RPL7A: variants seen among roughly 807,000 people sequenced by gnomAD.
RPL7A encodes ribosomal protein L7a.
For synonymous variants in RPL7A, 158 were observed against 128.2 expected (o/e 1.23, Z -1.57); for missense variants, 291 against 338.2 (o/e 0.86, Z 1.09).
At chr9:133,349,522 C>T (rs2129986922) in intron 2 of RPL7A, 29 bp from the exon 3 acceptor site, 9 of 1,614,042 alleles carry the variant, frequency 5.6e-6, no homozygotes, top group South Asian at 5.5e-5. Flanking sequence ...GAATTTGAGC[C>T]TCACTCGGTG....
At position 133,349,745 on chromosome 9, in the gene RPL7A, C is replaced by T. The variant is rs114365767; in HGVS notation, c.274+45C>T. 1,159 of 1,607,562 alleles carry T rather than the reference C, an allele frequency of 7.2e-4. 7 individuals carry two copies. The African/African-American group carries it at 0.014, about 19-fold the overall frequency. On this transcript the variant is annotated intron_variant, in intron 3 of 7. Coordinates refer to ENST00000323345, the MANE Select transcript of RPL7A (RefSeq NM_000972.3). ...AAAGGAGTTTCTCAGGCAAGGATTC[C>T]TTATTTCATCCAGAACATGAGGGGG...
Position 133,349,651 on chromosome 9 carries a change from A to G in RPL7A, c.225A>G (p.Lys75=), listed in dbSNP as rs1441128983. The change falls in exon 3 of 8, where the codon AAA becomes AAG. Residue 75 remains lysine (K), a synonymous_variant. Transcript: ENST00000323345. The stretch of plus-strand genomic sequence containing the variant: ...GAGCCATCCTCTATAAGCGGCTGAA[A>G]GTGCCTCCTGCGATTAACCAGTTCA... ...RQRAILYKRL[K]VPPAINQFTQ... 8.7e-6 allele frequency: 14 copies of G among 1,614,060 alleles called. No homozygotes were observed. Among genetic ancestry groups the G allele is most frequent in the African/African-American group, 8.0e-5 (6 of 75,056 alleles).
In RPL7A at chr9:133,349,124, G is replaced by A; in HGVS notation, c.124+82G>A. 2.6e-6 allele frequency: 4 copies of A among 1,528,052 alleles called. No homozygotes were observed. In the South Asian group the frequency reaches 4.7e-5, roughly 18 times the overall value. The allele number at this position is 1,528,052 out of a possible 1,614,324, so 94.7% of individuals were successfully genotyped here. On this transcript the variant is annotated intron_variant, in intron 2 of 7. Transcript: ENST00000323345. ...AATTGGGTTGTGTTGTATCTTGTAG[G>A]TTTTAGTGGGTGTAAAGTGGTCGCA... is the stretch of plus-strand genomic sequence containing the variant.
rs1278411295 is a variant in RPL7A at position 133,351,146 on chromosome 9, G to C, written c.696+75G>C. On this transcript the variant is annotated intron_variant, in intron 7 of 7. Coordinates refer to ENST00000323345, the MANE Select transcript of RPL7A (RefSeq NM_000972.3). ...CAAATAACTGGCTGGCTTAACCTAT[G>C]AGAAGTTCTATCTGACGATCAGCTT... 1.9e-6 allele frequency: 3 copies of C among 1,560,602 alleles called. No homozygotes were observed. The East Asian group carries it at 6.8e-5, about 35-fold the overall frequency.
Position 133,350,271 on chromosome 9 carries a change from C to T in RPL7A, c.447C>T (p.Asn149=), listed in dbSNP as rs2129992560. ...GVNTVTTLVE[N]KKAQLVVIAH... ...ACACCGTCACCACCTTGGTGGAGAA[C>T]AAGAAAGCTCAGCTGGTGGTGATTG... Residue 149 remains asparagine (N), a synonymous_variant, in exon 5 of 8, where the codon AAC becomes AAT. Coordinates refer to ENST00000323345, the MANE Select transcript of RPL7A (RefSeq NM_000972.3). 1.2e-6 allele frequency: 2 copies of T among 1,614,014 alleles called. No homozygotes were observed. Among genetic ancestry groups the T allele is most frequent in the Admixed American group, 1.7e-5 (1 of 59,994 alleles).
At position 133,349,047 on chromosome 9, in the gene RPL7A, G is replaced by A. The variant is rs115808246; in HGVS notation, c.124+5G>A. The A allele has an allele frequency of 8.1e-6, 13 of 1,613,284 alleles. No homozygotes were observed. The highest frequency in any genetic ancestry group is 1.1e-5 in the Non-Finnish European group (13 of 1,179,666). Reference sequence around the variant, plus strand: ...GGCCTAAGAATTTTGGCATTGGTAAGTAACAAACGGCAGAATGAAAACGGT... The same window carrying A: ...GGCCTAAGAATTTTGGCATTGGTAAATAACAAACGGCAGAATGAAAACGGT... On this transcript the variant is annotated splice_donor_5th_base_variant and intron_variant, in intron 2 of 7. Coordinates refer to ENST00000323345, the MANE Select transcript of RPL7A (RefSeq NM_000972.3).
Position 133,349,602 on chromosome 9 carries a change from G to C in RPL7A, c.176G>C (p.Arg59Pro). The change falls in exon 3 of 8, where the codon CGC (arginine) becomes CCC (proline). Residue 59 changes from arginine (R) to proline (P), a missense_variant. Physicochemically the swap from Arg to Pro is moderately radical, Grantham distance 103. Transcript: ENST00000323345. ...RDLTRFVKWPRYIRLQRQRAI... is the reference protein window; with the variant it reads ...RDLTRFVKWPPYIRLQRQRAI... ...CTCACCCGCTTTGTGAAATGGCCCC[G>C]CTATATCAGGTTGCAGCGGCAGAGA... 1.2e-6 allele frequency: 2 copies of C among 1,614,030 alleles called. No individual in the cohort carries two copies. The highest frequency in any genetic ancestry group is 1.7e-6 in the Non-Finnish European group (2 of 1,179,998).
chr9:133,350,380 G>C, intron 5 of RPL7A, 61 bp downstream of exon 5: 2 of 1,588,538 alleles, frequency 1.3e-6, no homozygotes, highest in South Asian at 2.2e-5. Flanking sequence ...AGAGAGAGTA[G>C]ACCTAATGCC....
At position 133,349,498 on chromosome 9, in the gene RPL7A, A is replaced by T. The variant is rs2129986720; in HGVS notation, c.125-53A>T. The stretch of plus-strand genomic sequence containing the variant: ...AACACCCTTCCTAGTGGCCCCAGAC[A>T]TGAACTTGACATGGAATTTGAGCCT... On this transcript the variant is annotated intron_variant, in intron 2 of 7. Transcript: ENST00000323345. 34 of 1,613,028 alleles carry T rather than the reference A, an allele frequency of 2.1e-5. No individual in the cohort carries two copies. The Admixed American group carries it at 5.7e-4, about 27-fold the overall frequency.
At chr9:133,348,868 C>T (rs111889641) in intron 1 of RPL7A, 54 bp from the exon 2 acceptor site, 35 of 1,612,952 alleles carry the variant, frequency 2.2e-5, no homozygotes, top group African/African-American at 1.1e-4. Context: ...TGAGCCCTAC[C>T]CCCGACGAAG....
At chr9:133,348,525 C>T (rs1383438272) in intron 1 of RPL7A, 43 of 602,090 alleles carry the variant, frequency 7.1e-5, no homozygotes, top group Non-Finnish European at 1.1e-4. Context: ...GTGCGGGGCT[C>T]GGAGCCCTAG....
intron 1 of RPL7A, 54 bp from the exon 2 acceptor site, chr9:133,348,868 C>A: frequency 6.2e-7 from 1 of 1,612,952 alleles, no homozygotes; most frequent in Non-Finnish European, 8.5e-7. Context: ...TGAGCCCTAC[C>A]CCCGACGAAG....
At position 133,348,234 on chromosome 9, in the gene RPL7A, G is replaced by A. The variant is rs2129977059; in HGVS notation, c.-10G>A. 7.4e-6 allele frequency: 12 copies of A among 1,613,772 alleles called. No homozygotes were observed. Among genetic ancestry groups the A allele is most frequent in the African/African-American group, 1.3e-5 (1 of 74,876 alleles). On this transcript the variant is annotated 5_prime_UTR_variant, in exon 1 of 8. Coordinates refer to ENST00000323345, the MANE Select transcript of RPL7A (RefSeq NM_000972.3). ...TTCCCTTTCCTTTCTCTCTCCTCCC[G>A]CCGCCCAAGATGGTGAGTGAGCTGT...
At chr9:133,350,933 G>T (rs2129997011) in intron 6 of RPL7A, 69 bp from the exon 7 acceptor site, 2 of 1,549,842 alleles carry the variant, frequency 1.3e-6, no homozygotes, top group Non-Finnish European at 1.8e-6. Flanking sequence ...TGAGCTAAAA[G>T]GTATTTTTGC....
chr9:133,348,264 C>A lies in RPL7A; in HGVS notation c.3+18C>A. ...CCAAGATGGTGAGTGAGCTGTAGTTCCGTGGCACTATAGCCAGGTTCCGGC... is the reference window on the plus strand; with the variant it reads ...CCAAGATGGTGAGTGAGCTGTAGTTACGTGGCACTATAGCCAGGTTCCGGC... On this transcript the variant is annotated intron_variant, in intron 1 of 7. Transcript: ENST00000323345. The A allele has an allele frequency of 1.2e-6, 2 of 1,614,082 alleles. No individual in the cohort carries two copies. The highest frequency in any genetic ancestry group is 2.2e-5 in the East Asian group (1 of 44,862).
intron 2 of RPL7A, 150 bp downstream of exon 2, chr9:133,349,192 GCTT>G: frequency 1.0e-6 from 1 of 995,484 alleles, no homozygotes; most frequent in South Asian, 1.5e-5. Context: ...AATGATACAT[GCTT>G]CTTGCTTTCA....
rs2129997446 is a variant in RPL7A, at chr9:133,350,984, T to G, written c.627-18T>G. The G allele has an allele frequency of 6.2e-7, 1 of 1,613,822 alleles. No homozygotes were observed. The highest frequency in any genetic ancestry group is 8.5e-7 in the Non-Finnish European group (1 of 1,179,834). On this transcript the variant is annotated intron_variant, in intron 6 of 7. Coordinates refer to ENST00000323345, the MANE Select transcript of RPL7A (RefSeq NM_000972.3). ...CTAAGGCAAAAAACCCACTTTTGTT[T>G]CCCCTCCTGCCTTTTAGGGAAGACA...
chr9:133,348,617 T>A, intron 1 of RPL7A: 1 of 623,606 alleles, frequency 1.6e-6, no homozygotes, highest in Non-Finnish European at 2.9e-6. Context: ...TTCTAGAGCC[T>A]GTGGGGCCGC....
chr9:133,348,815 C>G, intron 1 of RPL7A, 107 bp from the exon 2 acceptor site: 2 of 1,565,578 alleles, frequency 1.3e-6, no homozygotes, highest in Non-Finnish European at 8.8e-7. Context: ...CAGCTTAGTT[C>G]AGGCAGGTGC....
Sources: gnomAD v4.1 joint callset for allele counts on GRCh38, gnomAD v4.1.1 for gene constraint, MANE v1.5 for transcripts, NCBI Gene and HGNC (gene_info 2026-07-23, HGNC 2026-07-21) for gene names.